Variants in MBD5 observed in about 807,000 individuals in gnomAD.
MBD5 encodes methyl-CpG-binding domain protein 5.
Under a neutral mutation model 117.3 loss-of-function variants are expected in MBD5, and 13 were observed. That is an observed-to-expected ratio of 0.11 (90% CI 0.07 to 0.18). MBD5 has a LOEUF of 0.18. Among genes scored for constraint, MBD5 ranks in the 10% least tolerant of loss-of-function variants. The probability of loss-of-function intolerance (pLI) is 1.00; values close to 1 mark genes in which losing one functional copy is unlikely to be tolerated. For missense variants in MBD5, 1,879 were observed against 2,093.8 expected, an observed-to-expected ratio of 0.90 and a Z score of 2.00; for synonymous variants, 727 against 766.4, an observed-to-expected ratio of 0.95 and a Z score of 0.85.
At chr2:148,257,568 G>C (rs1403893060) in intron 3 of MBD5, among the ~76,000 whole-genome samples, 1 of 152,152 alleles carries the variant, frequency 6.6e-6, no homozygotes, top group African/African-American at 2.4e-5. Context: ...CGGCCCAACT[G>C]CATGCTGCCA....
At chr2:148,183,872 A>G (rs1006255049) in intron 2 of MBD5, among the ~76,000 whole-genome samples, 1 of 152,154 alleles carries the variant, frequency 6.6e-6, no homozygotes, top group Admixed American at 6.5e-5. Flanking sequence ...GTAAAAATCT[A>G]GGTTTTAATA....
intron 3 of MBD5, among the ~76,000 whole-genome samples, chr2:148,340,765 G>C (rs1390065843): frequency 6.6e-6 from 1 of 151,702 alleles, no homozygotes; most frequent in Non-Finnish European, 1.5e-5. Context: ...ATATAACTGT[G>C]AGTAATATGC....
At chr2:148,408,680 C>A (rs1705155415) in intron 4 of MBD5, among the ~76,000 whole-genome samples, 1 of 151,946 alleles carries the variant, frequency 6.6e-6, no homozygotes, top group Non-Finnish European at 1.5e-5. Context: ...GCTTCATACA[C>A]CCCTATTTAT....
Position 148,180,068 on chromosome 2 carries a change from G to A in MBD5, c.-831+1275G>A, listed in dbSNP as rs1353800339. 5.3e-5 allele frequency among the ~76,000 whole-genome samples: 8 copies of A among 151,822 alleles called. No individual in the cohort carries two copies. In the South Asian group the frequency reaches 6.2e-4, roughly 12 times the overall value. ...TTTTCTTTATTCTCTTAGAGTGCAA[G>A]TATTTAGAGTCTATTTTTTCTCCTT... On this transcript the variant is annotated intron_variant, in intron 2 of 13. Transcript: ENST00000642680.
chr2:148,052,240 C>T (rs1267946481), intron 1 of MBD5, among the ~76,000 whole-genome samples: 11 of 107,832 alleles, frequency 1.0e-4, no homozygotes, highest in Non-Finnish European at 1.9e-4. Flanking sequence ...GATGGAGTCT[C>T]ACTCTTGTAG....
chr2:148,288,770 CA>C (rs1297094945), intron 3 of MBD5, among the ~76,000 whole-genome samples: 1 of 151,528 alleles, frequency 6.6e-6, no homozygotes, highest in Non-Finnish European at 1.5e-5. Context: ...GAAAAAAAAA[CA>C]GTAATCTAAA....
At position 148,021,282 on chromosome 2, in the gene MBD5, G is replaced by C. The variant is rs549158845; in HGVS notation, c.-1327G>C. The C allele has an allele frequency of 1.5e-4, 55 of 359,072 alleles. 1 individual carries two copies. Among genetic ancestry groups the C allele is most frequent in the Admixed American group, 3.9e-4 (11 of 27,890 alleles). 22.2% of individuals were successfully genotyped at this position (359,072 alleles called of 1,614,324 possible). ...ACCCTCCAGCCCTGAGCCCTGAGAG[G>C]GGGATTGAGCCTGAGAGAGGAGAAG... On this transcript the variant is annotated 5_prime_UTR_variant, in exon 1 of 14. Coordinates refer to ENST00000642680, the MANE Select transcript of MBD5 (RefSeq NM_001378120.1).
intron 4 of MBD5, among the ~76,000 whole-genome samples, chr2:148,429,899 A>G (rs1705931508): frequency 6.6e-6 from 1 of 152,094 alleles, no homozygotes; most frequent in Non-Finnish European, 1.5e-5. Flanking sequence ...AATGGAGATG[A>G]TGGGTTGATG....
intron 3 of MBD5, among the ~76,000 whole-genome samples, chr2:148,239,462 A>T (rs1700162969): frequency 1.3e-5 from 2 of 152,312 alleles, no homozygotes; most frequent in Middle Eastern, 3.4e-3. Context: ...ATTTATATTT[A>T]TAATCATACT....
rs913456098 is a variant in MBD5 at position 148,509,961 on chromosome 2, C to G, written c.5037-99C>G. The G allele has an allele frequency of 2.0e-4, 183 of 934,058 alleles. 1 individual carries two copies. The Admixed American group carries it at 3.4e-3, about 18-fold the overall frequency. The allele number at this position is 934,058 out of a possible 1,614,324, so 57.9% of individuals were successfully genotyped here. A position where few individuals can be genotyped will look rare whatever the true frequency, so the allele number is the denominator to read the frequency against. On this transcript the variant is annotated intron_variant, in intron 12 of 13. Coordinates refer to ENST00000642680, the MANE Select transcript of MBD5 (RefSeq NM_001378120.1). ...CCAAACGCGAGTATAAATTGGCTTT[C>G]TCTCGTGGAATTGGTACTTTTGTTT...
At chr2:148,046,842 T>C (rs984058637) in intron 1 of MBD5, among the ~76,000 whole-genome samples, 3 of 152,212 alleles carry the variant, frequency 2.0e-5, no homozygotes, top group African/African-American at 7.2e-5. Context: ...ATTAAAAACC[T>C]TGTGGATTGT....
intron 1 of MBD5, among the ~76,000 whole-genome samples, chr2:148,175,137 A>G (rs944811784): frequency 3.3e-5 from 5 of 152,210 alleles, no homozygotes; most frequent in African/African-American, 7.2e-5. Flanking sequence ...AAGAATATTA[A>G]GTATTTGAGG....
At chr2:148,231,845 T>A (rs1699995652) in intron 2 of MBD5, among the ~76,000 whole-genome samples, 1 of 152,114 alleles carries the variant, frequency 6.6e-6, no homozygotes, top group Admixed American at 6.6e-5. Context: ...TCACCGGGAT[T>A]GTGGGGCTAC....
intron 1 of MBD5, among the ~76,000 whole-genome samples, chr2:148,149,669 T>C (rs1697584833): frequency 6.6e-6 from 1 of 152,216 alleles, no homozygotes; most frequent in Non-Finnish European, 1.5e-5. Flanking sequence ...GTGGTTTTGA[T>C]TTGCATTTCT....
intron 4 of MBD5, among the ~76,000 whole-genome samples, chr2:148,343,569 T>G (rs1233475168): frequency 6.6e-6 from 1 of 152,140 alleles, no homozygotes; most frequent in African/African-American, 2.4e-5. Context: ...CTCTTGTATA[T>G]CTTCTTTTGA....
intron 4 of MBD5, among the ~76,000 whole-genome samples, chr2:148,384,993 TA>T (rs1407275964): frequency 3.3e-5 from 5 of 152,186 alleles, no homozygotes; most frequent in Admixed American, 3.3e-4. Context: ...ATGTTAGACC[TA>T]AAACCATCAA....
intron 4 of MBD5, among the ~76,000 whole-genome samples, chr2:148,395,978 T>A (rs1169251723): frequency 6.6e-6 from 1 of 152,224 alleles, no homozygotes; most frequent in East Asian, 1.9e-4. Flanking sequence ...ATTTGTCTTG[T>A]CACTCTAAAA....
intron 1 of MBD5, among the ~76,000 whole-genome samples, chr2:148,178,261 A>C (rs1200752559): frequency 1.3e-5 from 2 of 152,204 alleles, no homozygotes; most frequent in Non-Finnish European, 2.9e-5. Context: ...CAGAATACTG[A>C]ACTAATTGAT....
chr2:148,089,331 C>T (rs1221361631), intron 1 of MBD5, among the ~76,000 whole-genome samples: 1 of 151,510 alleles, frequency 6.6e-6, no homozygotes, highest in Non-Finnish European at 1.5e-5. Flanking sequence ...CAAATTACAC[C>T]CTAGAAAAAA....
Sources: allele counts gnomAD v4.1 joint callset (sites outside exome capture counted in the v4.1 genomes callset), GRCh38; gene constraint gnomAD v4.1.1; transcripts MANE v1.5; gene names NCBI Gene and HGNC (gene_info 2026-07-23, HGNC 2026-07-21).